Variants in COPG2 observed in about 807,000 individuals in gnomAD.
The protein encoded by COPG2 is coatomer subunit gamma-2.
Under a neutral mutation model 46.3 loss-of-function variants are expected in COPG2, and 37 were observed. The observed-to-expected ratio is 0.80, with a 90% CI of 0.61 to 1.05. COPG2 has a LOEUF of 1.05. Among genes scored for constraint, COPG2 ranks in the 50% least tolerant of loss-of-function variants. COPG2 has a pLI of 0.00. For synonymous variants in COPG2, 159 were observed against 129.7 expected (o/e 1.23, Z -1.53); for missense variants, 427 against 387.8 (o/e 1.10, Z -0.85).
intron 9 of COPG2, among the ~76,000 whole-genome samples, chr7:130,597,478 G>A (rs1407769659): frequency 1.3e-5 from 2 of 152,190 alleles, no homozygotes; most frequent in African/African-American, 2.4e-5. Flanking sequence ...AGGAAAAGCA[G>A]TGTATTTGGG....
chr7:130,536,433 T>C (rs935463551), intron 20 of COPG2, among the ~76,000 whole-genome samples: 1 of 151,922 alleles, frequency 6.6e-6, no homozygotes, highest in Admixed American at 6.6e-5. Flanking sequence ...GCCTATCCAA[T>C]CATCAGAGGG....
intron 9 of COPG2, among the ~76,000 whole-genome samples, chr7:130,570,864 T>C (rs1430550765): frequency 6.6e-6 from 1 of 152,154 alleles, no homozygotes; most frequent in Non-Finnish European, 1.5e-5. Flanking sequence ...AAGAGACCAA[T>C]GTAACAGAAT....
chr7:130,625,489 TG>T (rs1554454131), intron 5 of COPG2, among the ~76,000 whole-genome samples: 1 of 152,024 alleles, frequency 6.6e-6, no homozygotes, highest in Non-Finnish European at 1.5e-5. Context: ...TTAGTGGAAA[TG>T]CCTCTAGTGT....
chr7:130,549,261 A>C, intron 18 of COPG2, 53 bp downstream of exon 18: 2 of 398,436 alleles, frequency 5.0e-6, no homozygotes, highest in Non-Finnish European at 8.9e-6. Flanking sequence ...GACTTTTTAT[A>C]TTTACAATGC....
intron 12 of COPG2, 66 bp from the exon 13 acceptor site, chr7:130,555,198 A>C (rs1793602432): frequency 2.5e-6 from 1 of 395,542 alleles, no homozygotes; most frequent in African/African-American, 2.1e-5. Flanking sequence ...AAAAGCAAAC[A>C]GAGAAAAGAC....
At chr7:130,664,894 T>C (rs1411679749) in intron 3 of COPG2, among the ~76,000 whole-genome samples, 2 of 152,192 alleles carry the variant, frequency 1.3e-5, no homozygotes, top group African/African-American at 4.8e-5. Context: ...AACTATGTGT[T>C]TGATGATCAG....
chr7:130,607,978 G>C (rs1794767773), intron 9 of COPG2, among the ~76,000 whole-genome samples: 1 of 152,136 alleles, frequency 6.6e-6, no homozygotes. Context: ...GGAAGGTATA[G>C]CTTTGTACTA....
intron 9 of COPG2, among the ~76,000 whole-genome samples, chr7:130,569,055 G>A (rs1219269862): frequency 1.3e-5 from 2 of 152,036 alleles, no homozygotes; most frequent in African/African-American, 2.4e-5. Flanking sequence ...AGCAAAAAAG[G>A]TGCTAAGAGG....
At chr7:130,586,612 G>A (rs1362340109) in intron 9 of COPG2, among the ~76,000 whole-genome samples, 4 of 151,796 alleles carry the variant, frequency 2.6e-5, no homozygotes, top group African/African-American at 4.8e-5. Flanking sequence ...ACAGGCACCC[G>A]CCACCACGCC....
chr7:130,625,127 C>T (rs1795096071), intron 5 of COPG2, among the ~76,000 whole-genome samples: 1 of 152,088 alleles, frequency 6.6e-6, no homozygotes, highest in African/African-American at 2.4e-5. Flanking sequence ...AAAGTGGTAT[C>T]TCATTGTGGT....
At chr7:130,537,830 C>T (rs974056941) in intron 20 of COPG2, among the ~76,000 whole-genome samples, 16 of 152,108 alleles carry the variant, frequency 1.1e-4, no homozygotes, top group Middle Eastern at 6.8e-3. Context: ...GGGTAAGACA[C>T]GGAAGGAATG....
intron 5 of COPG2, among the ~76,000 whole-genome samples, chr7:130,632,722 T>C (rs1218049006): frequency 6.6e-6 from 1 of 152,174 alleles, no homozygotes; most frequent in Non-Finnish European, 1.5e-5. Flanking sequence ...ATCTCCATTC[T>C]GCTACTGAGA....
chr7:130,594,472 A>G (rs1554449452), intron 9 of COPG2, among the ~76,000 whole-genome samples: 1 of 152,202 alleles, frequency 6.6e-6, no homozygotes, highest in East Asian at 1.9e-4. Context: ...CTTAGGGGTA[A>G]TACCAAAAGC....
intron 9 of COPG2, among the ~76,000 whole-genome samples, chr7:130,587,532 A>C (rs932180937): frequency 1.3e-5 from 2 of 152,064 alleles, no homozygotes; most frequent in African/African-American, 4.8e-5. Flanking sequence ...TCCTCTTTTA[A>C]AACTTAGAAC....
chr7:130,507,492 A>T, intron 22 of COPG2, 120 bp from the exon 23 acceptor site: 1 of 717,540 alleles, frequency 1.4e-6, no homozygotes, highest in South Asian at 1.6e-5. Flanking sequence ...GTTGTTGGTG[A>T]TGTGTAGAGG....
intron 3 of COPG2, among the ~76,000 whole-genome samples, chr7:130,665,052 A>G (rs1796047204): frequency 6.8e-6 from 1 of 147,652 alleles, no homozygotes; most frequent in Non-Finnish European, 1.5e-5. Context: ...GTGGTGGTGC[A>G]TGCCTGTAAT....
At chr7:130,527,566 A>G (rs1005368560) in intron 20 of COPG2, among the ~76,000 whole-genome samples, 2 of 151,930 alleles carry the variant, frequency 1.3e-5, no homozygotes, top group Non-Finnish European at 1.5e-5. Context: ...AGTAAGGGGA[A>G]AAAAAAGCAA....
At chr7:130,526,276 A>G (rs1799773378) in intron 20 of COPG2, among the ~76,000 whole-genome samples, 1 of 152,116 alleles carries the variant, frequency 6.6e-6, no homozygotes, top group Non-Finnish European at 1.5e-5. Flanking sequence ...GAGAGGAAGG[A>G]AAAGTTTGAG....
intron 9 of COPG2, among the ~76,000 whole-genome samples, chr7:130,599,753 T>G (rs1794599697): frequency 1.3e-5 from 2 of 152,184 alleles, no homozygotes; most frequent in South Asian, 4.1e-4. Context: ...AAATTTGATA[T>G]GAAATTAGGA....
Sources: gnomAD v4.1 joint callset for allele counts (sites outside exome capture counted in the v4.1 genomes callset) on GRCh38, gnomAD v4.1.1 for gene constraint, MANE v1.5 for transcripts, NCBI Gene and HGNC (gene_info 2026-07-23, HGNC 2026-07-21) for gene names.